NUP93: variants seen among roughly 807,000 people sequenced by gnomAD.
NUP93 encodes nucleoporin 93.
A neutral mutation model predicts 107.8 loss-of-function variants in NUP93; 55 were observed. That is an observed-to-expected ratio of 0.51 (90% CI 0.41 to 0.64). The LOEUF (loss-of-function observed/expected upper bound fraction) is 0.64. Among genes scored for constraint, NUP93 ranks in the 30% least tolerant of loss-of-function variants. The pLI, the probability that NUP93 is intolerant of heterozygous loss-of-function variation, is 0.00. For missense variants in NUP93, 937 were observed against 1,044.7 expected (o/e 0.90, Z 1.42); for synonymous variants, 390 against 397.5 (o/e 0.98, Z 0.22).
intron 3 of NUP93, among the ~76,000 whole-genome samples, chr16:56,764,520 A>G (rs979562708): frequency 6.6e-5 from 10 of 152,306 alleles, no homozygotes; most frequent in African/African-American, 2.4e-4. Context: ...AAATGAATCA[A>G]TAGTCTTGTA....
At chr16:56,793,034 G>A (rs562971475) in intron 3 of NUP93, among the ~76,000 whole-genome samples, 13 of 152,290 alleles carry the variant, frequency 8.5e-5, no homozygotes, top group Non-Finnish European at 1.8e-4. Flanking sequence ...AGAGTGGGAT[G>A]ATTATGTCTG....
chr16:56,797,518 A>C (rs1180620164), intron 3 of NUP93, among the ~76,000 whole-genome samples: 1 of 152,174 alleles, frequency 6.6e-6, no homozygotes, highest in East Asian at 1.9e-4. Context: ...GTCTGTCTGC[A>C]ACTGTGGCTA....
At chr16:56,832,246 G>T (rs369270495) in intron 11 of NUP93, 49 bp from the exon 12 acceptor site, 3 of 1,480,772 alleles carry the variant, frequency 2.0e-6, no homozygotes, top group South Asian at 2.3e-5. Context: ...TGTGCATGTG[G>T]CTCAGGGTGT....
intron 3 of NUP93, among the ~76,000 whole-genome samples, chr16:56,777,566 A>C (rs1457974145): frequency 5.3e-5 from 8 of 152,220 alleles, no homozygotes; most frequent in African/African-American, 1.9e-4. Flanking sequence ...TCAGGATGAA[A>C]TGTCTGCAAT....
chr16:56,794,571 A>AGT (rs1206664782), intron 3 of NUP93, among the ~76,000 whole-genome samples: 2 of 137,180 alleles, frequency 1.5e-5, no homozygotes, highest in East Asian at 2.4e-4. Flanking sequence ...TTGTGTTGTA[A>AGT]GTGTGTGTGT....
chr16:56,802,371 A>G (rs968603806), intron 4 of NUP93, among the ~76,000 whole-genome samples: 4 of 124,390 alleles, frequency 3.2e-5, no homozygotes, highest in African/African-American at 1.3e-4. Context: ...TTTCATGTTT[A>G]AAGTTTACAG....
At chr16:56,791,090 C>T (rs1433104965) in intron 3 of NUP93, among the ~76,000 whole-genome samples, 1 of 152,078 alleles carries the variant, frequency 6.6e-6, no homozygotes, top group Non-Finnish European at 1.5e-5. Flanking sequence ...GCACCCGGCA[C>T]CTATTTTTAT....
chr16:56,768,353 C>G (rs1434906456), intron 3 of NUP93, among the ~76,000 whole-genome samples: 1 of 150,986 alleles, frequency 6.6e-6, no homozygotes, highest in African/African-American at 2.4e-5. Context: ...CACCTGAGGT[C>G]GGGAGTTTGA....
At chr16:56,763,333 G>T (rs1414513024) in intron 3 of NUP93, among the ~76,000 whole-genome samples, 1 of 152,142 alleles carries the variant, frequency 6.6e-6, no homozygotes, top group Non-Finnish European at 1.5e-5. Flanking sequence ...TTCTAAACAT[G>T]TTAACAGTCT....
chr16:56,798,830 A>G (rs1962956603), intron 4 of NUP93, among the ~76,000 whole-genome samples: 1 of 151,378 alleles, frequency 6.6e-6, no homozygotes, highest in South Asian at 2.1e-4. Flanking sequence ...GCGCCACTGC[A>G]CTTCATCCTG....
At position 56,845,794 on chromosome 16, in the gene NUP93, G is replaced by A. The variant is rs1293809979; in HGVS notation, c.*1185G>A. Reference sequence around the variant, plus strand: ...GGAGAAGTTTCTGTCTTGTCACAGGGTGTGGTCATCCCCACTGTCTCCCAG... The same window carrying A: ...GGAGAAGTTTCTGTCTTGTCACAGGATGTGGTCATCCCCACTGTCTCCCAG... On this transcript the variant is annotated 3_prime_UTR_variant, in exon 22 of 22. Coordinates refer to ENST00000308159, the MANE Select transcript of NUP93 (RefSeq NM_014669.5). 6.6e-6 allele frequency: 1 copy of A among 152,220 alleles called. No individual in the cohort carries two copies. Among genetic ancestry groups the A allele is most frequent in the African/African-American group, 2.4e-5 (1 of 41,442 alleles). 9.4% of individuals were successfully genotyped at this position (152,220 alleles called of 1,614,324 possible). A position where few individuals can be genotyped will look rare whatever the true frequency, so the allele number is the denominator to read the frequency against.
chr16:56,755,150 T>G (rs1961995948), intron 2 of NUP93, among the ~76,000 whole-genome samples: 1 of 151,998 alleles, frequency 6.6e-6, no homozygotes, highest in Non-Finnish European at 1.5e-5. Flanking sequence ...CTAAGAGAAA[T>G]GGAAATGTAT....
chr16:56,830,718 G>A (rs780153528), intron 10 of NUP93, 33 bp downstream of exon 10: 26 of 1,503,898 alleles, frequency 1.7e-5, no homozygotes, highest in Non-Finnish European at 2.1e-5. Flanking sequence ...CCCAGGGGCA[G>A]CCATGCAGAA....
At chr16:56,805,811 C>T (rs1182170740) in intron 5 of NUP93, 179 bp downstream of exon 5, 14 of 627,610 alleles carry the variant, frequency 2.2e-5, no homozygotes, top group African/African-American at 7.4e-5. Flanking sequence ...CTGCCTGCTT[C>T]GTCTCAGTCT....
At chr16:56,739,643 C>G in intron 1 of NUP93, among the ~76,000 whole-genome samples, 1 of 127,734 alleles carries the variant, frequency 7.8e-6, no homozygotes, top group Non-Finnish European at 1.6e-5. Context: ...CCACCTCCCT[C>G]CCGGACGGGG....
At chr16:56,781,360 C>G (rs1169516168) in intron 3 of NUP93, among the ~76,000 whole-genome samples, 1 of 152,068 alleles carries the variant, frequency 6.6e-6, no homozygotes, top group Non-Finnish European at 1.5e-5. Flanking sequence ...TTTAAGATGG[C>G]GAATTTACTG....
chr16:56,811,207 A>C lies in NUP93; in HGVS notation c.489+5575A>C, dbSNP rs149807160. Among the ~76,000 whole-genome samples, 11 of 152,340 alleles carry C rather than the reference A, an allele frequency of 7.2e-5. No individual in the cohort carries two copies. In the East Asian group the frequency reaches 2.1e-3, roughly 29 times the overall value. ...CCAAACTGTTTTCCAAAATGGTTAT[A>C]TTGGAGTACCCTCCCACCAGCAGTA... On this transcript the variant is annotated intron_variant, in intron 5 of 21. Transcript: ENST00000308159.
intron 3 of NUP93, chr16:56,781,746 C>A: frequency 1.3e-6 from 1 of 796,564 alleles, no homozygotes; most frequent in South Asian, 5.8e-5. Context: ...GCATTCCTTG[C>A]CTACATGTTG....
intron 1 of NUP93, among the ~76,000 whole-genome samples, chr16:56,736,677 T>G (rs1961618825): frequency 6.6e-6 from 1 of 152,016 alleles, no homozygotes; most frequent in Non-Finnish European, 1.5e-5. Flanking sequence ...GGTGTGACAG[T>G]TATGTGCTTG....
Sources: gnomAD v4.1 joint callset for allele counts (sites outside exome capture counted in the v4.1 genomes callset) on GRCh38, gnomAD v4.1.1 for gene constraint, MANE v1.5 for transcripts, NCBI Gene and HGNC (gene_info 2026-07-23, HGNC 2026-07-21) for gene names.